Variants in MTARC2 observed in about 807,000 individuals in gnomAD.
MTARC2 encodes the protein mitochondrial amidoxime reducing component 2, also known as MOCO sulphurase C-terminal domain containing 2.
Under a neutral mutation model 35.6 loss-of-function variants are expected in MTARC2, and 27 were observed. That is an observed-to-expected ratio of 0.76 (90% confidence interval 0.56 to 1.04). MTARC2 has a LOEUF of 1.04. MTARC2 is among the 50% of genes least tolerant of loss of function. The pLI is 0.00. For missense variants in MTARC2, 412 were observed against 432.5 expected, an observed-to-expected ratio of 0.95 and a Z score of 0.42; for synonymous variants, 158 against 167.1, an observed-to-expected ratio of 0.95 and a Z score of 0.42.
intron 2 of MTARC2, among the ~76,000 whole-genome samples, chr1:220,759,420 T>C (rs1422561647): frequency 6.6e-6 from 1 of 152,096 alleles, no homozygotes; most frequent in African/African-American, 2.4e-5. Context: ...TTGGAGAAGA[T>C]GGCATGGCAG....
At chr1:220,780,754 T>G (rs1327854514) in intron 6 of MTARC2, among the ~76,000 whole-genome samples, 2 of 152,184 alleles carry the variant, frequency 1.3e-5, no homozygotes, top group Non-Finnish European at 2.9e-5. Context: ...TTGATAAACT[T>G]TTAATTCTAT....
chr1:220,758,716 G>A (rs1156383528), intron 2 of MTARC2, among the ~76,000 whole-genome samples: 1 of 152,208 alleles, frequency 6.6e-6, no homozygotes, highest in Non-Finnish European at 1.5e-5. Context: ...ACCGTGCACG[G>A]CCTGATTATT....
Position 220,755,041 on chromosome 1 carries a change from C to A in MTARC2, c.367C>A (p.Leu123Met). The A allele has an allele frequency of 6.2e-7, 1 of 1,613,364 alleles. No homozygotes were observed. The highest frequency in any genetic ancestry group is 2.2e-5 in the East Asian group (1 of 44,804). Residue 123 changes from leucine to methionine, a missense_variant, in exon 2 of 8, where the codon CTG becomes ATG. Leu to Met is a conservative substitution (Grantham distance 15). Transcript: ENST00000366913. Reference sequence around the variant, plus strand: ...CTCCATCATTTATGAGAATAACTGCCTGATCTTCAGGGCTCCAGACATGGA... The same window carrying A: ...CTCCATCATTTATGAGAATAACTGCATGATCTTCAGGGCTCCAGACATGGA... ...LISIIYENNCLIFRAPDMDQL... is the reference protein window; with the variant it reads ...LISIIYENNCMIFRAPDMDQL...
intron 1 of MTARC2, among the ~76,000 whole-genome samples, chr1:220,753,925 C>A (rs1671205272): frequency 6.6e-6 from 1 of 152,124 alleles, no homozygotes; most frequent in Admixed American, 6.5e-5. Flanking sequence ...TGGTACACAC[C>A]TGTAATCCCA....
intron 4 of MTARC2, among the ~76,000 whole-genome samples, chr1:220,772,529 G>A (rs557297937): frequency 4.7e-4 from 71 of 152,170 alleles, no homozygotes; most frequent in Admixed American, 3.3e-4. Flanking sequence ...TAGTCTCTGA[G>A]ATAGATGCTA....
chr1:220,782,660 A>G (rs529875210), intron 7 of MTARC2, among the ~76,000 whole-genome samples: 1 of 152,300 alleles, frequency 6.6e-6, no homozygotes, highest in Admixed American at 6.5e-5. Context: ...TTCTGGCCTG[A>G]GCTTCTCACG....
chr1:220,781,308 C>T (rs1036696006), intron 6 of MTARC2, among the ~76,000 whole-genome samples: 2 of 152,154 alleles, frequency 1.3e-5, no homozygotes, highest in African/African-American at 4.8e-5. Flanking sequence ...GTAGTCCAGA[C>T]CCATCTGCCA....
chr1:220,780,447 G>A (rs1292343632), intron 6 of MTARC2, among the ~76,000 whole-genome samples: 1 of 144,526 alleles, frequency 6.9e-6, no homozygotes, highest in Non-Finnish European at 1.5e-5. Flanking sequence ...TAGTGCTTTG[G>A]ATAAACTTTT....
intron 4 of MTARC2, among the ~76,000 whole-genome samples, chr1:220,764,386 C>T (rs115845518): frequency 0.011 from 1,668 of 152,294 alleles, 24 homozygotes; most frequent in South Asian, 0.027. Flanking sequence ...AGCCACTGTG[C>T]CCGGCCCCTA....
intron 4 of MTARC2, among the ~76,000 whole-genome samples, chr1:220,769,849 T>C (rs1225292675): frequency 1.4e-5 from 2 of 146,060 alleles, no homozygotes; most frequent in African/African-American, 2.5e-5. Flanking sequence ...GGCTTTTTCT[T>C]TTTTTTTTTG....
At chr1:220,780,353 C>A (rs1672036303) in intron 6 of MTARC2, 114 bp downstream of exon 6, 15 of 858,996 alleles carry the variant, frequency 1.7e-5, no homozygotes, top group African/African-American at 5.2e-5. Flanking sequence ...CTCCGGAGAA[C>A]CTTCCAGTCT....
chr1:220,768,746 C>T (rs77200487), intron 4 of MTARC2, among the ~76,000 whole-genome samples: 2,023 of 152,202 alleles, frequency 0.013, 32 homozygotes, highest in East Asian at 0.062. Flanking sequence ...GAAGATTAGC[C>T]TGAATTTCAT....
At position 220,761,741 on chromosome 1, in the gene MTARC2, A is replaced by G. The variant is rs1380976479; in HGVS notation, c.530A>G (p.Tyr177Cys). The G allele has an allele frequency of 6.2e-7, 1 of 1,614,120 alleles. No individual in the cohort carries two copies. Among genetic ancestry groups the G allele is most frequent in the Admixed American group, 1.7e-5 (1 of 59,990 alleles). ...ACCAACTTCTTGAAAACTGAAGCGT[A>G]TAGATTGGTTCAATTTGAGACAAAC... ...WFTNFLKTEAYRLVQFETNMK... is the reference protein window; with the variant it reads ...WFTNFLKTEACRLVQFETNMK... Residue 177 changes from tyrosine to cysteine, a missense_variant, in exon 3 of 8, where the codon TAT becomes TGT. Physicochemically the swap from Tyr to Cys is radical, Grantham distance 194. Coordinates refer to ENST00000366913, the MANE Select transcript of MTARC2 (RefSeq NM_017898.5).
chr1:220,756,269 G>A (rs1671278336), intron 2 of MTARC2: 1 of 152,194 alleles, frequency 6.6e-6, no homozygotes, highest in Non-Finnish European at 1.5e-5. Context: ...TGTGGAAGTT[G>A]GTGTTGTCCC....
At position 220,762,827 on chromosome 1, in the gene MTARC2, C is replaced by T. The variant is rs952320865; in HGVS notation, c.610-83C>T. ...CCTCTTCTGCACTGAAGAGGTTTTG[C>T]TTCTGGACATTACTTAGCTTTGTAG... is the stretch of plus-strand genomic sequence containing the variant. On this transcript the variant is annotated intron_variant, in intron 3 of 7. Coordinates refer to ENST00000366913, the MANE Select transcript of MTARC2 (RefSeq NM_017898.5). The T allele has an allele frequency of 2.5e-5, 37 of 1,491,146 alleles. No homozygotes were observed. In the African/African-American group the frequency reaches 4.3e-4, roughly 17 times the overall value. 92.4% of individuals were successfully genotyped at this position (1,491,146 alleles called of 1,614,324 possible).
intron 4 of MTARC2, among the ~76,000 whole-genome samples, chr1:220,778,635 C>T (rs1039259589): frequency 2.6e-5 from 4 of 152,140 alleles, no homozygotes; most frequent in Non-Finnish European, 4.4e-5. Flanking sequence ...TCATGTTATA[C>T]GTGTATATGT....
In MTARC2 at chr1:220,751,078, C is replaced by T. The variant is rs141278194; in HGVS notation, c.272+2275C>T. 1.9e-3 allele frequency among the ~76,000 whole-genome samples: 296 copies of T among 152,324 alleles called. 2 individuals are homozygous for T. The highest frequency in any genetic ancestry group is 6.8e-3 in the African/African-American group (281 of 41,560). ...AACTCTGTTTGATAGCCGCTGTCTT[C>T]TCCACCTGACAATTTAATAACACTA... On this transcript the variant is annotated intron_variant, in intron 1 of 7. Coordinates refer to ENST00000366913, the MANE Select transcript of MTARC2 (RefSeq NM_017898.5).
intron 4 of MTARC2, among the ~76,000 whole-genome samples, chr1:220,764,050 T>C (rs1358403419): frequency 6.6e-6 from 1 of 152,090 alleles, no homozygotes; most frequent in South Asian, 2.1e-4. Flanking sequence ...TTTGCTCCCC[T>C]GAATGAATGA....
chr1:220,760,284 A>C (rs545813627), intron 2 of MTARC2, among the ~76,000 whole-genome samples: 2 of 152,342 alleles, frequency 1.3e-5, no homozygotes, highest in East Asian at 3.9e-4. Flanking sequence ...ATGGTTGTAC[A>C]AGTCAGTGGT....
Sources: allele counts gnomAD v4.1 joint callset (sites outside exome capture counted in the v4.1 genomes callset), GRCh38; gene constraint gnomAD v4.1.1; transcripts MANE v1.5; gene names NCBI Gene and HGNC (gene_info 2026-07-23, HGNC 2026-07-21).